LCLAT1: variants seen among roughly 807,000 people sequenced by gnomAD.
The protein encoded by LCLAT1 is 1-AGP acyltransferase 8.
LCLAT1 carries 11 observed loss-of-function variants against 30.7 expected under a neutral mutation model. That is an observed-to-expected ratio of 0.36 (90% CI 0.23 to 0.59). The LOEUF is 0.59. Ranked by LOEUF, LCLAT1 falls within the 20% of genes least tolerant of loss-of-function variation. LCLAT1 has a pLI of 0.77. For missense variants in LCLAT1, 402 were observed against 458.6 expected, an observed-to-expected ratio of 0.88 and a Z score of 1.13; for synonymous variants, 155 against 151.3, an observed-to-expected ratio of 1.02 and a Z score of -0.18.
At chr2:30,639,356 A>G (rs1208018243) in intron 5 of LCLAT1, among the ~76,000 whole-genome samples, 8 of 134,424 alleles carry the variant, frequency 6.0e-5, no homozygotes, top group Admixed American at 4.7e-4. Context: ...TTGACTGTCT[A>G]TCTCCAGCAT....
chr2:30,491,875 A>C (rs1406426315), intron 1 of LCLAT1, among the ~76,000 whole-genome samples: 1 of 152,338 alleles, frequency 6.6e-6, no homozygotes, highest in East Asian at 1.9e-4. Flanking sequence ...AATTTAAATT[A>C]GTGATAAGAA....
chr2:30,602,631 TTAATCAGTTCCTTCC>T (rs1428201102), intron 5 of LCLAT1, among the ~76,000 whole-genome samples: 25 of 151,342 alleles, frequency 1.7e-4, no homozygotes, highest in African/African-American at 6.0e-4. Context: ...CACAAACAGA[TTAATCAGTTCCTTCC>T]TAATGACTTT....
intron 1 of LCLAT1, among the ~76,000 whole-genome samples, chr2:30,463,847 A>T (rs945025893): frequency 2.6e-5 from 4 of 152,242 alleles, no homozygotes; most frequent in African/African-American, 7.2e-5. Flanking sequence ...TTCCAGTTAT[A>T]TGGCTATGCC....
At chr2:30,587,773 T>C (rs1245146176) in intron 5 of LCLAT1, among the ~76,000 whole-genome samples, 1 of 152,190 alleles carries the variant, frequency 6.6e-6, no homozygotes, top group East Asian at 1.9e-4. Flanking sequence ...TACCTTTTTT[T>C]TTTAAGAGCT....
chr2:30,633,685 A>AAAAT (rs908115696), intron 5 of LCLAT1, among the ~76,000 whole-genome samples: 2 of 152,210 alleles, frequency 1.3e-5, no homozygotes, highest in Non-Finnish European at 2.9e-5. Context: ...ACTCCATCTC[A>AAAAT]AAATAAATAA....
chr2:30,614,386 A>T (rs1210955628), intron 5 of LCLAT1, among the ~76,000 whole-genome samples: 1 of 151,602 alleles, frequency 6.6e-6, no homozygotes, highest in African/African-American at 2.4e-5. Flanking sequence ...TCCTATGTCT[A>T]CTTCTTTCTA....
intron 5 of LCLAT1, among the ~76,000 whole-genome samples, chr2:30,626,765 A>G (rs550020287): frequency 1.1e-4 from 17 of 151,876 alleles, no homozygotes; most frequent in Admixed American, 9.8e-4. Context: ...GAAGCATGTA[A>G]GGTCATAAAT....
chr2:30,463,331 G>A (rs1400038791), intron 1 of LCLAT1, among the ~76,000 whole-genome samples: 1 of 151,604 alleles, frequency 6.6e-6, no homozygotes, highest in African/African-American at 2.4e-5. Flanking sequence ...TTGAAAACAT[G>A]GTTTCTATTA....
intron 1 of LCLAT1, among the ~76,000 whole-genome samples, chr2:30,495,057 T>A (rs979852248): frequency 6.6e-6 from 1 of 150,788 alleles, no homozygotes; most frequent in Non-Finnish European, 1.5e-5. Context: ...CAGTTCCTAT[T>A]ATAAGATTGA....
At chr2:30,591,808 T>G (rs960189591) in intron 5 of LCLAT1, among the ~76,000 whole-genome samples, 3 of 152,200 alleles carry the variant, frequency 2.0e-5, no homozygotes, top group Non-Finnish European at 1.5e-5. Context: ...AAATACTATC[T>G]AGTCCAGAGC....
intron 1 of LCLAT1, among the ~76,000 whole-genome samples, chr2:30,505,916 G>C (rs531471098): frequency 2.0e-5 from 3 of 152,232 alleles, no homozygotes; most frequent in Admixed American, 2.0e-4. Flanking sequence ...TAAGAGATAA[G>C]TTGTGTCATT....
chr2:30,588,875 C>T (rs528412290), intron 5 of LCLAT1, among the ~76,000 whole-genome samples: 2 of 152,160 alleles, frequency 1.3e-5, no homozygotes, highest in East Asian at 3.9e-4. Flanking sequence ...GCTGGGATTA[C>T]AGGCATGAGC....
chr2:30,598,436 A>T (rs1229852515), intron 5 of LCLAT1, among the ~76,000 whole-genome samples: 6 of 146,340 alleles, frequency 4.1e-5, no homozygotes, highest in Non-Finnish European at 7.5e-5. Context: ...TTTTATTTGC[A>T]GAGGTGTTTA....
intron 2 of LCLAT1, among the ~76,000 whole-genome samples, chr2:30,527,216 A>T (rs1047837490): frequency 6.6e-6 from 1 of 152,168 alleles, no homozygotes; most frequent in African/African-American, 2.4e-5. Context: ...TTTTCATGTC[A>T]TTTATGTAAC....
At chr2:30,549,258 A>C (rs989137247) in intron 3 of LCLAT1, among the ~76,000 whole-genome samples, 1 of 152,170 alleles carries the variant, frequency 6.6e-6, no homozygotes, top group Non-Finnish European at 1.5e-5. Context: ...GGTTACCTAA[A>C]TTGGATATCC....
intron 1 of LCLAT1, among the ~76,000 whole-genome samples, chr2:30,452,167 A>G (rs1681583223): frequency 6.6e-6 from 1 of 152,286 alleles, no homozygotes; most frequent in South Asian, 2.1e-4. Context: ...GTGTATGTAT[A>G]TGTAAAAATT....
At chr2:30,521,485 A>ACTT (rs202228852) in intron 1 of LCLAT1, among the ~76,000 whole-genome samples, 1 of 63,904 alleles carries the variant, frequency 1.6e-5, no homozygotes, top group Non-Finnish European at 2.7e-5. Flanking sequence ...CCCCTAAACT[A>ACTT]CTTCTTCTTT....
chr2:30,629,517 G>A (rs932440627), intron 5 of LCLAT1, among the ~76,000 whole-genome samples: 2 of 152,104 alleles, frequency 1.3e-5, no homozygotes, highest in Admixed American at 1.3e-4. Context: ...CTGAGATCGC[G>A]CCATTGCACT....
intron 4 of LCLAT1, among the ~76,000 whole-genome samples, chr2:30,563,334 C>T (rs1298640275): frequency 6.6e-6 from 1 of 152,114 alleles, no homozygotes; most frequent in Middle Eastern, 3.2e-3. Context: ...ATTATTTTTG[C>T]AGATGAAGCC....
Sources: allele counts gnomAD v4.1 joint callset (sites outside exome capture counted in the v4.1 genomes callset), GRCh38; gene constraint gnomAD v4.1.1; transcripts MANE v1.5; gene names NCBI Gene and HGNC (gene_info 2026-07-23, HGNC 2026-07-21).